The following ASAP1 variants were observed in gnomAD, a reference collection of about 807,000 sequenced individuals.
The protein encoded by ASAP1 is ArfGAP with SH3 domain, ankyrin repeat and PH domain 1, also known as arf-GAP with SH3 domain, ANK repeat and PH domain-containing protein 1.
A neutral mutation model predicts 145.2 loss-of-function variants in ASAP1; 43 were observed. That is an observed-to-expected ratio of 0.30 (90% CI 0.23 to 0.38). The LOEUF is 0.38. Among genes scored for constraint, ASAP1 ranks in the 10% least tolerant of loss-of-function variants. ASAP1 has a pLI of 1.00. For synonymous variants in ASAP1, 546 were observed against 515.5 expected (o/e 1.06, Z -0.80); for missense variants, 1,018 against 1,355.3 (o/e 0.75, Z 3.91).
chr8:130,422,987 C>T (rs192849426), intron 1 of ASAP1, among the ~76,000 whole-genome samples: 1 of 152,326 alleles, frequency 6.6e-6, no homozygotes, highest in East Asian at 1.9e-4. Flanking sequence ...AGCCTGAGGT[C>T]ACAGTTGACG....
At position 130,127,958 on chromosome 8, in the gene ASAP1, C is replaced by T; in HGVS notation, c.1350G>A (p.Gly450=). 1 of 1,613,854 alleles carries T rather than the reference C, an allele frequency of 6.2e-7. No homozygotes were observed. Reference sequence around the variant, plus strand: ...AGCCACAATCGCAGCAAATGTCATTCCCTGGGAGCCGCTGGACATCCTCAA... The same window carrying T: ...AGCCACAATCGCAGCAAATGTCATTTCCTGGGAGCCGCTGGACATCCTCAA... The part of the protein sequence containing the change: ...AIIEDVQRLP[G]NDICCDCGSS... The change falls in exon 16 of 30, where the codon GGG becomes GGA. Residue 450 remains glycine, a synonymous_variant. Coordinates refer to ENST00000518721, the MANE Select transcript of ASAP1 (RefSeq NM_018482.4).
intron 24 of ASAP1, among the ~76,000 whole-genome samples, chr8:130,105,670 T>A (rs999893731): frequency 4.6e-5 from 7 of 152,228 alleles, no homozygotes; most frequent in African/African-American, 1.7e-4. Context: ...CGTATAATTA[T>A]ACAAAGAAGG....
At chr8:130,066,939 T>C (rs1168677517) in intron 27 of ASAP1, among the ~76,000 whole-genome samples, 2 of 152,182 alleles carry the variant, frequency 1.3e-5, no homozygotes, top group Non-Finnish European at 2.9e-5. Context: ...CATCTTAGCA[T>C]TCTCTTCAGC....
chr8:130,299,661 C>T (rs1244733653), intron 3 of ASAP1, among the ~76,000 whole-genome samples: 1 of 148,108 alleles, frequency 6.8e-6, no homozygotes, highest in East Asian at 2.0e-4. Flanking sequence ...AGGAAAAATG[C>T]AAAATAATTT....
At chr8:130,425,174 A>G (rs1355469097) in intron 1 of ASAP1, among the ~76,000 whole-genome samples, 1 of 151,098 alleles carries the variant, frequency 6.6e-6, no homozygotes, top group African/African-American at 2.4e-5. Context: ...TCTACTAAAA[A>G]TATAAAAATT....
At chr8:130,067,529 G>A (rs1263727376) in intron 27 of ASAP1, among the ~76,000 whole-genome samples, 1 of 152,054 alleles carries the variant, frequency 6.6e-6, no homozygotes, top group African/African-American at 2.4e-5. Context: ...CTGTATAGCT[G>A]GGACCACAGG....
At chr8:130,198,505 T>G (rs1158120054) in intron 5 of ASAP1, among the ~76,000 whole-genome samples, 3 of 152,162 alleles carry the variant, frequency 2.0e-5, no homozygotes, top group African/African-American at 7.2e-5. Context: ...TGCAAGGCAG[T>G]CTCCATAAAC....
intron 9 of ASAP1, among the ~76,000 whole-genome samples, chr8:130,176,759 C>T (rs761931869): frequency 3.3e-5 from 5 of 151,370 alleles, no homozygotes; most frequent in East Asian, 1.9e-4. Context: ...GGCGTGATCT[C>T]GGCTCACTGC....
chr8:130,190,796 G>A lies in ASAP1; in HGVS notation c.406-2613C>T, dbSNP rs550276110. Among the ~76,000 whole-genome samples, 965 of 152,254 alleles carry A rather than the reference G, an allele frequency of 6.3e-3. 9 individuals carry two copies. The highest frequency in any genetic ancestry group is 0.022 in the African/African-American group (933 of 41,546). ...CTCCCAAAGTGCTGGGATTACAGACGTGAGCCACCGCACCTGGCCTATGCA... is the reference window on the plus strand; with the variant it reads ...CTCCCAAAGTGCTGGGATTACAGACATGAGCCACCGCACCTGGCCTATGCA... On this transcript the variant is annotated intron_variant, in intron 5 of 29. Coordinates refer to ENST00000518721, the MANE Select transcript of ASAP1 (RefSeq NM_018482.4).
intron 1 of ASAP1, among the ~76,000 whole-genome samples, chr8:130,435,316 C>T (rs1487537368): frequency 6.6e-6 from 1 of 152,188 alleles, no homozygotes; most frequent in African/African-American, 2.4e-5. Context: ...CGTCAGCATG[C>T]GTATTCTTCA....
intron 28 of ASAP1, among the ~76,000 whole-genome samples, chr8:130,059,138 G>C (rs2097411518): frequency 6.6e-6 from 1 of 151,808 alleles, no homozygotes; most frequent in African/African-American, 2.4e-5. Flanking sequence ...TTTAAGTATT[G>C]ATATGACACA....
At chr8:130,232,349 G>A (rs115892893) in intron 4 of ASAP1, among the ~76,000 whole-genome samples, 3,945 of 152,218 alleles carry the variant, frequency 0.026, 61 homozygotes, top group Middle Eastern at 0.044. Flanking sequence ...GCAAAAGGGC[G>A]AAGGAGGGAG....
rs764289349 is a variant in ASAP1, at chr8:130,167,628, A to G, written c.823-6T>C. ...TCATCCTGGGTCTGTTTTATCTATG[A>G]AAAAAAAATTACTTCTATTACTTAC... On this transcript the variant is annotated splice_polypyrimidine_tract_variant and splice_region_variant and intron_variant, in intron 10 of 29. Coordinates refer to ENST00000518721, the MANE Select transcript of ASAP1 (RefSeq NM_018482.4). 1.6e-4 allele frequency: 213 copies of G among 1,320,336 alleles called. No individual in the cohort carries two copies. The highest frequency in any genetic ancestry group is 2.2e-4 in the Non-Finnish European group (208 of 962,410). The allele number at this position is 1,320,336 out of a possible 1,614,324, so 81.8% of individuals were successfully genotyped here.
intron 13 of ASAP1, among the ~76,000 whole-genome samples, chr8:130,145,206 A>G (rs1294122876): frequency 2.0e-5 from 3 of 152,254 alleles, no homozygotes; most frequent in South Asian, 2.1e-4. Context: ...TAATTTCAGT[A>G]GCCACTTTAC....
intron 2 of ASAP1, among the ~76,000 whole-genome samples, chr8:130,390,500 G>A (rs999295492): frequency 2.6e-5 from 4 of 152,158 alleles, no homozygotes; most frequent in Non-Finnish European, 5.9e-5. Flanking sequence ...AGGAATATAT[G>A]ATTACACCTA....
chr8:130,291,003 G>C (rs1821911902), intron 3 of ASAP1, among the ~76,000 whole-genome samples: 1 of 152,318 alleles, frequency 6.6e-6, no homozygotes, highest in East Asian at 1.9e-4. Flanking sequence ...TACAGGCTAA[G>C]GAACAGAAAA....
chr8:130,127,217 ATTTCTTT>A (rs950804525), intron 16 of ASAP1, among the ~76,000 whole-genome samples: 1 of 151,996 alleles, frequency 6.6e-6, no homozygotes, highest in African/African-American at 2.4e-5. Context: ...CACATGCACC[ATTTCTTT>A]TTTCTTTTTT....
At chr8:130,364,354 T>C (rs1015618076) in intron 2 of ASAP1, among the ~76,000 whole-genome samples, 11 of 152,236 alleles carry the variant, frequency 7.2e-5, no homozygotes, top group Non-Finnish European at 1.6e-4. Context: ...TGTATTATCC[T>C]GAGTCATTGC....
At chr8:130,176,032 T>C (rs1291408112) in intron 9 of ASAP1, among the ~76,000 whole-genome samples, 2 of 152,238 alleles carry the variant, frequency 1.3e-5, no homozygotes, top group African/African-American at 2.4e-5. Context: ...GAAAGCAGCA[T>C]GTTCCCGACA....
Sources: gnomAD v4.1 joint callset for allele counts (sites outside exome capture counted in the v4.1 genomes callset) on GRCh38, gnomAD v4.1.1 for gene constraint, MANE v1.5 for transcripts, NCBI Gene and HGNC (gene_info 2026-07-23, HGNC 2026-07-21) for gene names.